DAB1: variants seen among roughly 807,000 people sequenced by gnomAD.
DAB1 encodes disabled homolog 1.
DAB1 carries 15 observed loss-of-function variants against 64.6 expected under a neutral mutation model. The observed-to-expected ratio is 0.23, with a 90% confidence interval of 0.16 to 0.36. The LOEUF is 0.36. Among genes scored for constraint, DAB1 ranks in the 10% least tolerant of loss-of-function variants. The pLI is 1.00. For missense variants in DAB1, 596 were observed against 706.7 expected (o/e 0.84, Z 1.78); for synonymous variants, 235 against 251.9 (o/e 0.93, Z 0.64).
chr1:57,390,921 G>A (rs897490146), intron 1 of DAB1, among the ~76,000 whole-genome samples: 8 of 152,072 alleles, frequency 5.3e-5, no homozygotes, highest in African/African-American at 7.2e-5. Flanking sequence ...ACATCTGTAC[G>A]ACAAGCATTC....
rs537300277 is a variant in DAB1 at position 57,450,406 on chromosome 1, G to GA, written n.626-159241dup. On this transcript the variant is annotated intron_variant and non_coding_transcript_variant, in intron 7 of 20. Transcript: ENST00000485760. ...TCAGTCCTTTGCGATATTTTTTGCT[G>GA]AAAAAAAATATTCTGGAATCAGAAT... Among the ~76,000 whole-genome samples the GA allele has an allele frequency of 2.0e-5, 3 of 151,980 alleles. No individual in the cohort carries two copies. The South Asian group carries it at 6.2e-4, about 32-fold the overall frequency.
chr1:57,896,953 A>G (rs1301660756), intron 5 of DAB1, among the ~76,000 whole-genome samples: 3 of 152,198 alleles, frequency 2.0e-5, no homozygotes, highest in Non-Finnish European at 2.9e-5. Context: ...TTATTATAGC[A>G]TTCAGGCAAT....
Position 57,330,246 on chromosome 1 carries a change from CATAA to C in DAB1, c.-136-39084_-136-39081del, listed in dbSNP as rs751093287. ...TAAAGGAGGGGCTTTCCTTGTTCTT[CATAA>C]ATAAATAAATAAATAACTCCAGGGA... On this transcript the variant is annotated intron_variant, in intron 1 of 14. Coordinates refer to ENST00000371236, the MANE Select transcript of DAB1 (RefSeq NM_001365792.1). Among the ~76,000 whole-genome samples the C allele has an allele frequency of 6.6e-5, 10 of 152,086 alleles. 1 individual carries two copies. The highest frequency in any genetic ancestry group is 1.0e-4 in the Non-Finnish European group (7 of 68,010).
intron 7 of DAB1, among the ~76,000 whole-genome samples, chr1:57,581,044 T>G (rs1186007616): frequency 2.0e-5 from 3 of 152,226 alleles, no homozygotes; most frequent in Admixed American, 1.3e-4. Context: ...GACCTGTGTG[T>G]GGGGCCCTCT....
intron 7 of DAB1, among the ~76,000 whole-genome samples, chr1:57,446,217 A>G (rs1032742232): frequency 1.3e-5 from 2 of 152,218 alleles, no homozygotes; most frequent in Non-Finnish European, 2.9e-5. Flanking sequence ...CTGTAGATAC[A>G]CCATTAATCC....
chr1:57,288,183 A>T (rs1672483029), intron 2 of DAB1, among the ~76,000 whole-genome samples: 1 of 152,222 alleles, frequency 6.6e-6, no homozygotes, highest in South Asian at 2.1e-4. Context: ...ACAATTATAA[A>T]CAATTGCAAA....
chr1:57,848,331 A>T (rs577772594), intron 1 of DAB1, among the ~76,000 whole-genome samples: 1 of 152,372 alleles, frequency 6.6e-6, no homozygotes, highest in East Asian at 1.9e-4. Context: ...ATGAACACAC[A>T]CCATGTAAAC....
At chr1:57,915,581 T>C (rs1218674568) in intron 5 of DAB1, among the ~76,000 whole-genome samples, 1 of 152,142 alleles carries the variant, frequency 6.6e-6, no homozygotes, top group Admixed American at 6.5e-5. Context: ...CCCCAGCTCA[T>C]CTTCTTAGGA....
chr1:57,110,374 G>C (rs575457626), intron 4 of DAB1, among the ~76,000 whole-genome samples: 42 of 152,264 alleles, frequency 2.8e-4, no homozygotes, highest in Middle Eastern at 6.8e-3. Flanking sequence ...ACCGGACACT[G>C]TTTTCAGATC....
At chr1:58,078,104 C>T (rs1649766211) in intron 5 of DAB1, 1 of 152,324 alleles carries the variant, frequency 6.6e-6, no homozygotes, top group African/African-American at 2.4e-5. Context: ...ACTCTAACCC[C>T]TGCCTTCCAG....
chr1:57,507,533 T>C (rs1558444568), intron 7 of DAB1, among the ~76,000 whole-genome samples: 2 of 152,170 alleles, frequency 1.3e-5, no homozygotes, highest in Non-Finnish European at 2.9e-5. Flanking sequence ...GCTCTATCAG[T>C]CTTGACTTGA....
chr1:57,596,235 T>C (rs1645507842), intron 7 of DAB1, among the ~76,000 whole-genome samples: 1 of 152,182 alleles, frequency 6.6e-6, no homozygotes, highest in Non-Finnish European at 1.5e-5. Context: ...TGTGTAGTTA[T>C]TGTTAGGAGG....
intron 9 of DAB1, among the ~76,000 whole-genome samples, chr1:57,027,613 C>T (rs1315155543): frequency 1.3e-5 from 2 of 152,188 alleles, no homozygotes; most frequent in Admixed American, 6.5e-5. Context: ...CTCAGAATTA[C>T]AGTTCCTTCA....
chr1:57,167,558 A>G (rs756208696), intron 2 of DAB1, among the ~76,000 whole-genome samples: 1 of 151,994 alleles, frequency 6.6e-6, no homozygotes, highest in African/African-American at 2.4e-5. Context: ...AAGTCCACAT[A>G]TTTACCTCCA....
chr1:57,674,437 T>C (rs1192959639), intron 6 of DAB1, among the ~76,000 whole-genome samples: 2 of 152,176 alleles, frequency 1.3e-5, no homozygotes, highest in Non-Finnish European at 2.9e-5. Flanking sequence ...CACATCAGTG[T>C]TTCTTGCATC....
chr1:57,961,329 G>A (rs748009751), intron 5 of DAB1, among the ~76,000 whole-genome samples: 3 of 151,376 alleles, frequency 2.0e-5, no homozygotes, highest in Non-Finnish European at 2.9e-5. Context: ...TGTGTATATC[G>A]TACTGTGGAA....
At position 57,156,867 on chromosome 1, in the gene DAB1, C is replaced by G. The variant is rs186788909; in HGVS notation, c.68-11438G>C. Among the ~76,000 whole-genome samples the G allele has an allele frequency of 4.1e-3, 619 of 152,306 alleles. 1 individual carries two copies. Among genetic ancestry groups the G allele is most frequent in the Non-Finnish European group, 6.0e-3 (410 of 68,028 alleles). ...TAAATTCCCCATTTTCCACAGACCT[C>G]GAAGATTCTGTCAGGAAGTACACTA... On this transcript the variant is annotated intron_variant, in intron 2 of 14. Transcript: ENST00000371236.
In DAB1 at chr1:57,069,432, C is replaced by T; in HGVS notation, c.598-7G>A. ...CAGCCTCAAACACAATGTACTATTA[C>T]AGGAGCAGCCAGAAAGGAAAGGTCA... On this transcript the variant is annotated splice_region_variant and splice_polypyrimidine_tract_variant and intron_variant, in intron 7 of 14. Coordinates refer to ENST00000371236, the MANE Select transcript of DAB1 (RefSeq NM_001365792.1). The T allele has an allele frequency of 6.2e-7, 1 of 1,611,478 alleles. No homozygotes were observed. Among genetic ancestry groups the T allele is most frequent in the Admixed American group, 1.7e-5 (1 of 59,966 alleles).
chr1:57,643,691 C>T (rs1293549245), intron 7 of DAB1, among the ~76,000 whole-genome samples: 4 of 152,186 alleles, frequency 2.6e-5, no homozygotes, highest in Non-Finnish European at 5.9e-5. Context: ...GTTATTACTA[C>T]TTCAAGATAT....
Sources: gnomAD v4.1 joint callset for allele counts (sites outside exome capture counted in the v4.1 genomes callset) on GRCh38, gnomAD v4.1.1 for gene constraint, MANE v1.5 for transcripts, NCBI Gene and HGNC (gene_info 2026-07-23, HGNC 2026-07-21) for gene names.